MAGI2: variants seen among roughly 807,000 people sequenced by gnomAD.
The protein encoded by MAGI2 is membrane associated guanylate kinase, WW and PDZ domain containing 2.
A neutral mutation model predicts 133.3 loss-of-function variants in MAGI2; 35 were observed. The observed-to-expected ratio is 0.26, with a 90% CI of 0.20 to 0.35. MAGI2 has a LOEUF of 0.35. Among genes scored for constraint, MAGI2 ranks in the 10% least tolerant of loss-of-function variants. MAGI2 has a pLI of 1.00. For synonymous variants in MAGI2, 729 were observed against 710.6 expected, an observed-to-expected ratio of 1.03 and a Z score of -0.41; for missense variants, 1,636 against 1,863.4, an observed-to-expected ratio of 0.88 and a Z score of 2.25.
At chr7:78,076,504 TA>T (rs1041940916) in intron 21 of MAGI2, among the ~76,000 whole-genome samples, 15 of 150,692 alleles carry the variant, frequency 1.0e-4, no homozygotes, top group African/African-American at 3.7e-4. Flanking sequence ...AAACTCTGGT[TA>T]ATTTGAGAAT....
intron 20 of MAGI2, among the ~76,000 whole-genome samples, chr7:78,108,454 T>A (rs139218087): frequency 6.6e-6 from 1 of 152,370 alleles, no homozygotes; most frequent in East Asian, 1.9e-4. Context: ...TCTGCAGCTG[T>A]CAGATGAAGT....
intron 20 of MAGI2, among the ~76,000 whole-genome samples, chr7:78,113,206 G>A (rs1410298002): frequency 6.6e-6 from 1 of 152,050 alleles, no homozygotes; most frequent in African/African-American, 2.4e-5. Context: ...CTTGTGATGA[G>A]GGTCTGATCT....
chr7:78,818,970 A>C (rs1459285903), intron 2 of MAGI2, among the ~76,000 whole-genome samples: 4 of 152,088 alleles, frequency 2.6e-5, no homozygotes, highest in African/African-American at 9.7e-5. Flanking sequence ...TAAGGCAGCT[A>C]TGGTAAAATG....
chr7:79,050,498 A>G (rs1170778167), intron 1 of MAGI2, among the ~76,000 whole-genome samples: 1 of 152,104 alleles, frequency 6.6e-6, no homozygotes, highest in Non-Finnish European at 1.5e-5. Flanking sequence ...TCCTCCTGCC[A>G]CATCCTCCAA....
At chr7:78,721,925 A>G (rs528151183) in intron 2 of MAGI2, among the ~76,000 whole-genome samples, 7 of 152,040 alleles carry the variant, frequency 4.6e-5, no homozygotes, top group African/African-American at 1.7e-4. Context: ...AACAACTAGC[A>G]AACTTGATTG....
intron 20 of MAGI2, 54 bp downstream of exon 20, chr7:78,125,639 AC>A: frequency 1.9e-6 from 3 of 1,584,714 alleles, no homozygotes; most frequent in Non-Finnish European, 2.6e-6. Context: ...TTCCAATACC[AC>A]AGTCGGTTTT....
chr7:78,760,445 C>T (rs777667839), intron 2 of MAGI2, among the ~76,000 whole-genome samples: 1 of 150,928 alleles, frequency 6.6e-6, no homozygotes, highest in African/African-American at 2.4e-5. Context: ...TCACTTGAAC[C>T]TCCACCTCCT....
At chr7:78,252,240 G>A (rs1792471370) in intron 10 of MAGI2, 1 of 151,936 alleles carries the variant, frequency 6.6e-6, no homozygotes, top group Admixed American at 6.6e-5. Context: ...AGAAAAAGTT[G>A]GAGGACTAAC....
At chr7:79,132,444 C>A (rs927100085) in intron 1 of MAGI2, among the ~76,000 whole-genome samples, 1 of 152,210 alleles carries the variant, frequency 6.6e-6, no homozygotes, top group South Asian at 2.1e-4. Flanking sequence ...CCTCCAGATC[C>A]ATCCAAGATG....
chr7:78,881,183 G>T (rs1463513396), intron 2 of MAGI2, among the ~76,000 whole-genome samples: 4 of 152,060 alleles, frequency 2.6e-5, no homozygotes, highest in Non-Finnish European at 5.9e-5. Flanking sequence ...AACTGACAAA[G>T]AAATTCTGGA....
chr7:78,797,160 T>A (rs539306337), intron 2 of MAGI2, among the ~76,000 whole-genome samples: 1 of 152,112 alleles, frequency 6.6e-6, no homozygotes, highest in Non-Finnish European at 1.5e-5. Flanking sequence ...AAAGAAAAGA[T>A]ACATGTTTGA....
chr7:78,806,595 G>A (rs1563528372), intron 2 of MAGI2, among the ~76,000 whole-genome samples: 1 of 152,176 alleles, frequency 6.6e-6, no homozygotes, highest in South Asian at 2.1e-4. Context: ...GGCCATCAAG[G>A]TGACTCACAC....
chr7:78,975,306 T>C (rs10249425), intron 2 of MAGI2, among the ~76,000 whole-genome samples: 6,775 of 151,828 alleles, frequency 0.045, 461 homozygotes, highest in African/African-American at 0.15. Context: ...AATAAAATGA[T>C]AGAACTCATG....
At chr7:78,652,494 C>A (rs371656301) in intron 2 of MAGI2, among the ~76,000 whole-genome samples, 1 of 151,992 alleles carries the variant, frequency 6.6e-6, no homozygotes, top group Non-Finnish European at 1.5e-5. Flanking sequence ...CCATCTGATC[C>A]TTGACAAACC....
chr7:79,275,895 C>A, intron 1 of MAGI2, among the ~76,000 whole-genome samples: 1 of 152,118 alleles, frequency 6.6e-6, no homozygotes, highest in East Asian at 1.9e-4. Context: ...ATATTTTAAG[C>A]CCAATGTTTG....
intron 2 of MAGI2, among the ~76,000 whole-genome samples, chr7:78,666,389 T>C (rs321990): frequency 0.12 from 18,535 of 152,146 alleles, 1,418 homozygotes; most frequent in East Asian, 0.4. Flanking sequence ...CCTGAGTTCA[T>C]TGTATAGTTC....
At chr7:79,112,615 CTA>C (rs1400194959) in intron 1 of MAGI2, among the ~76,000 whole-genome samples, 1 of 152,220 alleles carries the variant, frequency 6.6e-6, no homozygotes, top group African/African-American at 2.4e-5. Context: ...TTCTTACCAT[CTA>C]TGTCACACAA....
At position 78,553,111 on chromosome 7, in the gene MAGI2, A is replaced by C. The variant is rs1204891960; in HGVS notation, c.539-31466T>G. ...CTTTAAATTAAAAAAAAAAAAAACA[A>C]ACACCAAAGTGTATTCCAGAGCCCA... On this transcript the variant is annotated intron_variant, in intron 3 of 21. Coordinates refer to ENST00000354212, the MANE Select transcript of MAGI2 (RefSeq NM_012301.4). Among the ~76,000 whole-genome samples the C allele has an allele frequency of 3.3e-5, 5 of 151,498 alleles. No homozygotes were observed. The East Asian group carries it at 9.7e-4, about 29-fold the overall frequency.
At chr7:78,193,194 T>G (rs559332546) in intron 12 of MAGI2, among the ~76,000 whole-genome samples, 1 of 152,292 alleles carries the variant, frequency 6.6e-6, no homozygotes, top group African/African-American at 2.4e-5. Flanking sequence ...GTTTTTGTCC[T>G]GAATCACAAA....
Sources: gnomAD v4.1 joint callset for allele counts (sites outside exome capture counted in the v4.1 genomes callset) on GRCh38, gnomAD v4.1.1 for gene constraint, MANE v1.5 for transcripts, NCBI Gene and HGNC (gene_info 2026-07-23, HGNC 2026-07-21) for gene names.